The following SNTG2 variants were observed in gnomAD, a reference collection of about 807,000 sequenced individuals.
SNTG2 encodes syntrophin gamma 2.
Under a neutral mutation model 70.9 loss-of-function variants are expected in SNTG2, and 74 were observed. The ratio of observed to expected loss-of-function variants is 1.04; its 90% CI spans 0.86 to 1.27. The LOEUF is 1.27. Ranked by LOEUF, SNTG2 falls within the 50% of genes most tolerant of loss-of-function variation. The probability of loss-of-function intolerance (pLI) is 0.00; values close to 1 mark genes in which losing one functional copy is unlikely to be tolerated. For synonymous variants in SNTG2, 278 were observed against 273.8 expected (o/e 1.02, Z -0.15); for missense variants, 717 against 690.7 (o/e 1.04, Z -0.43).
chr2:1,338,062 C>T (rs1417588286), intron 16 of SNTG2, among the ~76,000 whole-genome samples: 1 of 152,164 alleles, frequency 6.6e-6, no homozygotes, highest in Non-Finnish European at 1.5e-5. Flanking sequence ...TTCCATTCAT[C>T]TGTATGTCTC....
intron 14 of SNTG2, among the ~76,000 whole-genome samples, chr2:1,291,103 T>C (rs920056204): frequency 2.6e-5 from 4 of 152,222 alleles, no homozygotes; most frequent in African/African-American, 4.8e-5. Flanking sequence ...CTCTAATCAC[T>C]GGTGATGTTG....
chr2:1,191,581 GT>G (rs1352385433), intron 8 of SNTG2, among the ~76,000 whole-genome samples: 2 of 152,132 alleles, frequency 1.3e-5, no homozygotes, highest in Non-Finnish European at 2.9e-5. Flanking sequence ...GGATCATGAG[GT>G]CAGGAGATTG....
intron 1 of SNTG2, among the ~76,000 whole-genome samples, chr2:1,043,922 A>G (rs1323854449): frequency 6.6e-6 from 1 of 152,152 alleles, no homozygotes; most frequent in Non-Finnish European, 1.5e-5. Flanking sequence ...TATGAATTTT[A>G]TAATTGGTTT....
At chr2:1,025,242 A>G (rs1377615469) in intron 1 of SNTG2, among the ~76,000 whole-genome samples, 2 of 152,142 alleles carry the variant, frequency 1.3e-5, no homozygotes, top group African/African-American at 4.8e-5. Context: ...CAAGAGACTC[A>G]TGGAATAGAA....
intron 1 of SNTG2, among the ~76,000 whole-genome samples, chr2:1,021,789 T>A (rs1279717376): frequency 1.3e-5 from 2 of 151,668 alleles, no homozygotes; most frequent in Non-Finnish European, 2.9e-5. Context: ...ATTATTATTA[T>A]TAATTTTTGT....
intron 16 of SNTG2, among the ~76,000 whole-genome samples, chr2:1,350,111 A>G (rs954005139): frequency 1.3e-5 from 2 of 152,104 alleles, no homozygotes; most frequent in Non-Finnish European, 2.9e-5. Flanking sequence ...TGGCCTTGCT[A>G]TCACCCCCCC....
intron 6 of SNTG2, among the ~76,000 whole-genome samples, chr2:1,155,721 A>G (rs991862802): frequency 2.0e-5 from 3 of 152,112 alleles, no homozygotes; most frequent in Non-Finnish European, 4.4e-5. Flanking sequence ...AAGGCTTCCC[A>G]ATCACCCCCA....
intron 4 of SNTG2, among the ~76,000 whole-genome samples, chr2:1,131,202 A>C (rs1667991249): frequency 6.6e-6 from 1 of 152,066 alleles, no homozygotes. Context: ...TTCCTGGGTG[A>C]ATTTGCTGAA....
chr2:1,223,559 C>G (rs1675513899), intron 9 of SNTG2, among the ~76,000 whole-genome samples: 1 of 152,234 alleles, frequency 6.6e-6, no homozygotes, highest in Non-Finnish European at 1.5e-5. Flanking sequence ...CCCCTCACCT[C>G]AATTTCCTGG....
At chr2:1,115,038 C>T (rs764185086) in intron 4 of SNTG2, among the ~76,000 whole-genome samples, 115 of 151,322 alleles carry the variant, frequency 7.6e-4, no homozygotes, top group African/African-American at 2.4e-3. Flanking sequence ...TGAGGTTTAA[C>T]GCTTACAGTC....
chr2:1,025,453 G>T (rs1450182803), intron 1 of SNTG2, among the ~76,000 whole-genome samples: 5 of 152,188 alleles, frequency 3.3e-5, no homozygotes, highest in African/African-American at 4.8e-5. Context: ...TTACTGCAGA[G>T]CACAAACTTA....
At chr2:1,228,365 G>C (rs1675941824) in intron 9 of SNTG2, among the ~76,000 whole-genome samples, 1 of 152,214 alleles carries the variant, frequency 6.6e-6, no homozygotes, top group African/African-American at 2.4e-5. Flanking sequence ...TCCCTGCTGG[G>C]GGGAGGAGCG....
intron 4 of SNTG2, among the ~76,000 whole-genome samples, chr2:1,137,223 A>C (rs986614300): frequency 6.6e-6 from 1 of 150,836 alleles, no homozygotes; most frequent in Non-Finnish European, 1.5e-5. Context: ...TGGCACACAC[A>C]TCAACAGATT....
chr2:1,255,626 G>T (rs1011022577), intron 12 of SNTG2, among the ~76,000 whole-genome samples: 4 of 151,784 alleles, frequency 2.6e-5, no homozygotes, highest in Admixed American at 6.6e-5. Context: ...GCAGGAATCT[G>T]CATCGGCAGG....
intron 4 of SNTG2, among the ~76,000 whole-genome samples, chr2:1,128,190 T>C (rs990430406): frequency 6.6e-6 from 1 of 152,184 alleles, no homozygotes; most frequent in Non-Finnish European, 1.5e-5. Context: ...CTGAATCTAT[T>C]TAGATGATCA....
At chr2:1,151,608 A>G (rs1193420059) in intron 6 of SNTG2, among the ~76,000 whole-genome samples, 1 of 152,038 alleles carries the variant, frequency 6.6e-6, no homozygotes, top group Admixed American at 6.5e-5. Context: ...AGGAACCTTC[A>G]ATGCTTTCCT....
chr2:1,122,633 A>C lies in SNTG2; in HGVS notation c.326-14989A>C, dbSNP rs555677786. On this transcript the variant is annotated intron_variant, in intron 4 of 16. Transcript: ENST00000308624. ...TATAATCAATATGAACAAACGCTTT[A>C]ACATTAAGATCCTCTGCAAGACAAG... Among the ~76,000 whole-genome samples, 18 of 152,106 alleles carry C rather than the reference A, an allele frequency of 1.2e-4. No homozygotes were observed. The East Asian group carries it at 3.5e-3, about 29-fold the overall frequency.
At chr2:1,128,251 C>T (rs35843777) in intron 4 of SNTG2, among the ~76,000 whole-genome samples, 54,125 of 151,932 alleles carry the variant, frequency 0.36, 11,622 homozygotes, top group Non-Finnish European at 0.49. Context: ...TTCATTTTCG[C>T]ATACTGTGAA....
chr2:1,224,271 T>C (rs1185381602), intron 9 of SNTG2, among the ~76,000 whole-genome samples: 1 of 152,150 alleles, frequency 6.6e-6, no homozygotes, highest in African/African-American at 2.4e-5. Flanking sequence ...GGATGGGAGT[T>C]GCTAGGGACA....
Sources: gnomAD v4.1 joint callset for allele counts (sites outside exome capture counted in the v4.1 genomes callset) on GRCh38, gnomAD v4.1.1 for gene constraint, MANE v1.5 for transcripts, NCBI Gene and HGNC (gene_info 2026-07-23, HGNC 2026-07-21) for gene names.